Variants in KCNH7 observed in about 807,000 individuals in gnomAD.
KCNH7 encodes the protein potassium voltage-gated channel subfamily H member 7, also known as voltage-gated inwardly rectifying potassium channel KCNH7.
Under a neutral mutation model 120.8 loss-of-function variants are expected in KCNH7, and 49 were observed. That is an observed-to-expected ratio of 0.41 (90% confidence interval 0.32 to 0.51). KCNH7 has a LOEUF of 0.51. Among genes scored for constraint, KCNH7 ranks in the 20% least tolerant of loss-of-function variants. The pLI is 0.38. For missense variants in KCNH7, 1,097 were observed against 1,446.6 expected (o/e 0.76, Z 3.92); for synonymous variants, 547 against 516.1 (o/e 1.06, Z -0.81).
chr2:162,724,341 A>T (rs1258574975), intron 2 of KCNH7, among the ~76,000 whole-genome samples: 1 of 152,254 alleles, frequency 6.6e-6, no homozygotes, highest in Admixed American at 6.5e-5. Context: ...AATTAGGCAC[A>T]GTAAAATATT....
At chr2:162,558,882 T>C (rs1048518944) in intron 2 of KCNH7, among the ~76,000 whole-genome samples, 8 of 151,050 alleles carry the variant, frequency 5.3e-5, no homozygotes, top group Non-Finnish European at 8.9e-5. Context: ...GGTGAAATCC[T>C]GTCTCTACTA....
Position 162,618,173 on chromosome 2 carries a change from A to C in KCNH7, c.308-81093T>G, listed in dbSNP as rs190785637. Among the ~76,000 whole-genome samples, 272 of 152,180 alleles carry C rather than the reference A, an allele frequency of 1.8e-3. 1 individual carries two copies. The highest frequency in any genetic ancestry group is 0.016 in the Middle Eastern group (4 of 256). On this transcript the variant is annotated intron_variant, in intron 2 of 15. Coordinates refer to ENST00000332142, the MANE Select transcript of KCNH7 (RefSeq NM_033272.4). The stretch of plus-strand genomic sequence containing the variant: ...TAAATAAATACTGCATAATAATAGT[A>C]AAATGACTATAAGGTCATGACATCA...
chr2:162,764,154 G>A (rs529588155), intron 2 of KCNH7, among the ~76,000 whole-genome samples: 75 of 152,056 alleles, frequency 4.9e-4, no homozygotes, highest in African/African-American at 1.7e-3. Context: ...GATTCCTTAA[G>A]GTTTCATGGA....
At chr2:162,470,439 C>T (rs1011456498) in intron 6 of KCNH7, among the ~76,000 whole-genome samples, 2 of 146,220 alleles carry the variant, frequency 1.4e-5, no homozygotes, top group African/African-American at 4.9e-5. Context: ...GGCAGCCGCC[C>T]CGTCTGAGAA....
At chr2:162,647,953 T>C (rs1684426188) in intron 2 of KCNH7, among the ~76,000 whole-genome samples, 1 of 152,162 alleles carries the variant, frequency 6.6e-6, no homozygotes, top group South Asian at 2.1e-4. Context: ...TTCATAAAGA[T>C]AAGTAAATCA....
At chr2:162,512,601 G>C in intron 5 of KCNH7, 53 bp downstream of exon 5, 1 of 1,545,326 alleles carries the variant, frequency 6.5e-7, no homozygotes, top group Non-Finnish European at 8.9e-7. Flanking sequence ...TTAACATGCC[G>C]AGTAAAGGGG....
At chr2:162,618,387 T>A (rs1263003032) in intron 2 of KCNH7, among the ~76,000 whole-genome samples, 1 of 152,086 alleles carries the variant, frequency 6.6e-6, no homozygotes, top group African/African-American at 2.4e-5. Flanking sequence ...GATCCTAAAG[T>A]ATCATTAAAT....
chr2:162,707,627 A>G (rs1219513520), intron 2 of KCNH7, among the ~76,000 whole-genome samples: 1 of 152,126 alleles, frequency 6.6e-6, no homozygotes, highest in African/African-American at 2.4e-5. Flanking sequence ...ATACTACTGT[A>G]AGGAAGATGA....
intron 2 of KCNH7, among the ~76,000 whole-genome samples, chr2:162,730,520 C>G (rs1474803522): frequency 2.0e-5 from 3 of 151,762 alleles, no homozygotes; most frequent in Admixed American, 6.6e-5. Flanking sequence ...TTTAATATTA[C>G]TAACAAGAAA....
intron 2 of KCNH7, among the ~76,000 whole-genome samples, chr2:162,658,304 T>A (rs1684843943): frequency 1.3e-5 from 2 of 152,112 alleles, no homozygotes; most frequent in Non-Finnish European, 1.5e-5. Flanking sequence ...GGTGACTATA[T>A]TTGCATGGGT....
At chr2:162,560,960 C>T (rs975260245) in intron 2 of KCNH7, among the ~76,000 whole-genome samples, 1 of 151,986 alleles carries the variant, frequency 6.6e-6, no homozygotes, top group African/African-American at 2.4e-5. Context: ...TGTTAGTGTC[C>T]ACAAGGGTGT....
chr2:162,736,855 A>C (rs536801899), intron 2 of KCNH7, among the ~76,000 whole-genome samples: 1 of 152,162 alleles, frequency 6.6e-6, no homozygotes, highest in African/African-American at 2.4e-5. Flanking sequence ...CTGCACAATG[A>C]CTAGCAATTA....
chr2:162,752,931 A>G (rs547872943), intron 2 of KCNH7, among the ~76,000 whole-genome samples: 7 of 86,348 alleles, frequency 8.1e-5, no homozygotes, highest in African/African-American at 4.4e-4. Flanking sequence ...AAGAAAAGAA[A>G]AGAAAAGAAA....
In KCNH7 at chr2:162,504,621, G is replaced by A. The variant is rs781197452; in HGVS notation, c.950C>T (p.Ser317Phe). 6.2e-7 allele frequency: 1 copy of A among 1,612,244 alleles called. No individual in the cohort carries two copies. The highest frequency in any genetic ancestry group is 1.3e-5 in the African/African-American group (1 of 74,808). Residue 317 changes from serine (S) to phenylalanine (F), a missense_variant, in exon 6 of 16, where the codon TCC becomes TTC. Around this residue, in one of 8 missense-constraint regions of KCNH7, gnomAD observed 362 missense variants for 372.2 expected, o/e 0.97. Coordinates refer to ENST00000332142, the MANE Select transcript of KCNH7 (RefSeq NM_033272.4). ...FNHIKSSLLG[S>F]TSDSNLNKYS... ...TTTGTTGAGGTTTGAATCTGATGTG[G>A]ATCCCAGGAGGCTTGACTTGATATG... is the stretch of plus-strand genomic sequence containing the variant.
chr2:162,547,591 T>C (rs1018865005), intron 2 of KCNH7, among the ~76,000 whole-genome samples: 9 of 152,118 alleles, frequency 5.9e-5, no homozygotes, highest in African/African-American at 1.9e-4. Flanking sequence ...ATCCACTAAA[T>C]ATCCCCATTT....
chr2:162,590,005 A>G (rs942451107), intron 2 of KCNH7, among the ~76,000 whole-genome samples: 1 of 152,076 alleles, frequency 6.6e-6, no homozygotes, highest in Non-Finnish European at 1.5e-5. Context: ...TGCATGGTAT[A>G]TGGAAAATTA....
At chr2:162,592,801 G>A (rs768401765) in intron 2 of KCNH7, among the ~76,000 whole-genome samples, 13 of 151,984 alleles carry the variant, frequency 8.6e-5, no homozygotes, top group Non-Finnish European at 1.6e-4. Context: ...AGTTTCTGTT[G>A]AGCTGGCCAC....
In KCNH7 at chr2:162,809,772, C is replaced by T. The variant is rs1376685230; in HGVS notation, c.307+26765G>A. Among the ~76,000 whole-genome samples the T allele has an allele frequency of 3.3e-5, 5 of 152,028 alleles. No homozygotes were observed. The East Asian group carries it at 7.7e-4, about 23-fold the overall frequency. On this transcript the variant is annotated intron_variant, in intron 2 of 15. Coordinates refer to ENST00000332142, the MANE Select transcript of KCNH7 (RefSeq NM_033272.4). ...AGCAAGAGATAATTTTCAAATTTTCCGTATTACTGATAGAAGCAGAAGTAC... is the reference window on the plus strand; with the variant it reads ...AGCAAGAGATAATTTTCAAATTTTCTGTATTACTGATAGAAGCAGAAGTAC...
intron 9 of KCNH7, among the ~76,000 whole-genome samples, chr2:162,421,045 G>C (rs1158864271): frequency 1.3e-5 from 2 of 151,942 alleles, no homozygotes; most frequent in Admixed American, 6.6e-5. Context: ...TCCATTTGCT[G>C]AGTGTTCAGA....
Sources: gnomAD v4.1 joint callset for allele counts (sites outside exome capture counted in the v4.1 genomes callset) on GRCh38, gnomAD v4.1.1 for gene constraint, gnomAD v4.1.1 regional missense constraint, MANE v1.5 for transcripts, NCBI Gene and HGNC (gene_info 2026-07-23, HGNC 2026-07-21) for gene names.